The following AOPEP variants were observed in gnomAD, a reference collection of about 807,000 sequenced individuals.
AOPEP encodes aminopeptidase O (putative).
In AOPEP, 77 loss-of-function variants were observed where a neutral mutation model predicts 98.1. The observed-to-expected ratio is 0.78, with a 90% CI of 0.65 to 0.95. The LOEUF (loss-of-function observed/expected upper bound fraction) is 0.95, where lower values mean the gene tolerates loss of function less well. Among genes scored for constraint, AOPEP ranks in the 40% least tolerant of loss-of-function variants. The pLI is 0.00. For synonymous variants in AOPEP, 346 were observed against 365.3 expected (o/e 0.95, Z 0.60); for missense variants, 1,024 against 1,024.7 (o/e 1.00, Z 0.01).
At chr9:94,773,732 T>C (rs775008243) in intron 3 of AOPEP, among the ~76,000 whole-genome samples, 11 of 152,210 alleles carry the variant, frequency 7.2e-5, no homozygotes, top group Non-Finnish European at 1.5e-4. Context: ...ATTTAACTTT[T>C]TCAGTGGAGA....
At chr9:94,762,831 A>T (rs546002113) in intron 2 of AOPEP, among the ~76,000 whole-genome samples, 1 of 152,310 alleles carries the variant, frequency 6.6e-6, no homozygotes, top group Non-Finnish European at 1.5e-5. Flanking sequence ...AAGGACTTTA[A>T]AATGAGTAAA....
intron 13 of AOPEP, among the ~76,000 whole-genome samples, chr9:95,059,375 C>T (rs963544445): frequency 6.6e-6 from 1 of 152,148 alleles, no homozygotes; most frequent in Non-Finnish European, 1.5e-5. Flanking sequence ...CTGCCTCTGT[C>T]TGTAGGCAAG....
At chr9:94,796,574 C>A (rs1846977309) in intron 4 of AOPEP, among the ~76,000 whole-genome samples, 3 of 152,206 alleles carry the variant, frequency 2.0e-5, no homozygotes, top group Admixed American at 2.0e-4. Context: ...ATCCAACTTT[C>A]ACAGGGGCCT....
chr9:94,887,350 A>AAATAAT (rs372787659), intron 5 of AOPEP, among the ~76,000 whole-genome samples: 4,892 of 150,698 alleles, frequency 0.032, 281 homozygotes, highest in African/African-American at 0.11. Context: ...CCTGTCTCCA[A>AAATAAT]AATAATAATA....
chr9:94,771,009 A>G (rs1840742817), intron 2 of AOPEP, among the ~76,000 whole-genome samples: 1 of 152,082 alleles, frequency 6.6e-6, no homozygotes, highest in Admixed American at 6.5e-5. Flanking sequence ...CTTCCTGCAC[A>G]GTATTTCTCA....
intron 5 of AOPEP, among the ~76,000 whole-genome samples, chr9:94,839,369 G>T (rs1042904069): frequency 3.9e-5 from 6 of 151,914 alleles, no homozygotes; most frequent in African/African-American, 1.2e-4. Context: ...GATTATAGGC[G>T]TGAGCCAACC....
intron 9 of AOPEP, among the ~76,000 whole-genome samples, chr9:94,961,690 GT>G (rs1471697048): frequency 6.6e-6 from 1 of 151,954 alleles, no homozygotes. Context: ...CCAAATTTAT[GT>G]TTTTATTTTT....
chr9:94,832,010 G>A (rs994997581), intron 5 of AOPEP, among the ~76,000 whole-genome samples: 1 of 152,122 alleles, frequency 6.6e-6, no homozygotes, highest in Admixed American at 6.5e-5. Context: ...TAAAAATGTT[G>A]TGTTGAGCCA....
the AOPEP span, among the ~76,000 whole-genome samples, chr9:95,144,760 A>G: frequency 2.6e-5 from 4 of 152,192 alleles, no homozygotes; most frequent in African/African-American, 4.8e-5. Context: ...CGCCGTGGAG[A>G]GTAAAAATGC....
chr9:94,782,112 C>A (rs1273473222), intron 3 of AOPEP, among the ~76,000 whole-genome samples: 1 of 151,714 alleles, frequency 6.6e-6, no homozygotes, highest in Non-Finnish European at 1.5e-5. Context: ...ATTGCTTGAA[C>A]CCGGGAGGCG....
intron 5 of AOPEP, among the ~76,000 whole-genome samples, chr9:94,825,490 G>GTGA: frequency 6.6e-6 from 1 of 152,390 alleles, no homozygotes; most frequent in East Asian, 1.9e-4. Context: ...GTAGTGTTGT[G>GTGA]TGAGCCTTGG....
At chr9:94,981,928 G>T (rs1282101197) in intron 11 of AOPEP, among the ~76,000 whole-genome samples, 1 of 152,090 alleles carries the variant, frequency 6.6e-6, no homozygotes, top group East Asian at 1.9e-4. Flanking sequence ...GGTTGGCCTC[G>T]ATTTTCCTTT....
intron 10 of AOPEP, among the ~76,000 whole-genome samples, chr9:94,975,242 A>G (rs1482994267): frequency 6.6e-6 from 1 of 151,966 alleles, no homozygotes; most frequent in African/African-American, 2.4e-5. Flanking sequence ...GTCTCTAATA[A>G]TAATAATAAT....
At chr9:94,887,194 A>T (rs564790323) in intron 5 of AOPEP, among the ~76,000 whole-genome samples, 2 of 152,078 alleles carry the variant, frequency 1.3e-5, no homozygotes, top group Admixed American at 1.3e-4. Context: ...AAAATTAAAA[A>T]AAAATTAGTC....
At chr9:94,820,465 T>TA (rs1292119399) in intron 5 of AOPEP, among the ~76,000 whole-genome samples, 1 of 152,238 alleles carries the variant, frequency 6.6e-6, no homozygotes, top group Non-Finnish European at 1.5e-5. Flanking sequence ...CATTATCCCC[T>TA]AGATATAATA....
rs1364743261 is a variant in AOPEP, at chr9:94,777,357, G to A, written c.964+4189G>A. On this transcript the variant is annotated intron_variant, in intron 3 of 16. Coordinates refer to ENST00000375315, the MANE Select transcript of AOPEP (RefSeq NM_001193329.3). ...TGAGGCAGGAGAATGGCGTGAACCC[G>A]GGAGGCGGAGCTTGCAGTGAGCTGA... is the stretch of plus-strand genomic sequence containing the variant. 6.6e-5 allele frequency among the ~76,000 whole-genome samples: 10 copies of A among 151,802 alleles called. No individual in the cohort carries two copies. In the South Asian group the frequency reaches 1.0e-3, roughly 16 times the overall value.
chr9:94,778,031 G>A (rs1445160693), intron 3 of AOPEP, among the ~76,000 whole-genome samples: 1 of 152,152 alleles, frequency 6.6e-6, no homozygotes, highest in Admixed American at 6.5e-5. Flanking sequence ...ATAAGAATGT[G>A]CAAAGTAAAT....
chr9:94,758,536 T>G (rs535662910), intron 1 of AOPEP, among the ~76,000 whole-genome samples: 1 of 151,124 alleles, frequency 6.6e-6, no homozygotes, highest in Non-Finnish European at 1.5e-5. Flanking sequence ...TGAGGAGGAG[T>G]TAGGATACAA....
At chr9:94,974,864 A>G (rs1245667329) in intron 10 of AOPEP, among the ~76,000 whole-genome samples, 2 of 152,252 alleles carry the variant, frequency 1.3e-5, no homozygotes, top group Admixed American at 1.3e-4. Flanking sequence ...CAGCTCTTCA[A>G]GTACCATCTG....
Sources: allele counts gnomAD v4.1 joint callset (sites outside exome capture counted in the v4.1 genomes callset), GRCh38; gene constraint gnomAD v4.1.1; transcripts MANE v1.5; gene names NCBI Gene and HGNC (gene_info 2026-07-23, HGNC 2026-07-21).